Variants in MDGA2 observed in about 807,000 individuals in gnomAD.
MDGA2 encodes the protein MAM domain containing glycosylphosphatidylinositol anchor 2.
MDGA2 carries 40 observed loss-of-function variants against 117.8 expected under a neutral mutation model. The ratio of observed to expected loss-of-function variants is 0.34; its 90% CI spans 0.26 to 0.44. The LOEUF is 0.44. Ranked by LOEUF, MDGA2 falls within the 20% of genes least tolerant of loss-of-function variation. The probability of loss-of-function intolerance (pLI) is 1.00; values close to 1 mark genes in which losing one functional copy is unlikely to be tolerated. For synonymous variants in MDGA2, 452 were observed against 439.0 expected (o/e 1.03, Z -0.37); for missense variants, 1,123 against 1,250.6 (o/e 0.90, Z 1.54).
In MDGA2 at chr14:46,855,862, T is replaced by G. The variant is rs2138303404; in HGVS notation, c.2753-708A>C. On this transcript the variant is annotated intron_variant, in intron 14 of 16. Coordinates refer to ENST00000399232, the MANE Select transcript of MDGA2 (RefSeq NM_001113498.3). The surrounding 1 kb of genome is among the most constrained non-coding windows in gnomAD (Gnocchi z 4.1). ...TCTTATATTATCATTTAGCATCTTA[T>G]TTTTTCAGTTTGATTTTTACCTGTC... is the stretch of plus-strand genomic sequence containing the variant. Among the ~76,000 whole-genome samples, 1 of 152,224 alleles carries G rather than the reference T, an allele frequency of 6.6e-6. No homozygotes were observed. The highest frequency in any genetic ancestry group is 2.4e-5 in the African/African-American group (1 of 41,542).
chr14:47,172,143 G>A (rs953088911), intron 3 of MDGA2, among the ~76,000 whole-genome samples: 8 of 152,176 alleles, frequency 5.3e-5, no homozygotes, highest in Non-Finnish European at 1.2e-4. Context: ...AAGCAGCCAG[G>A]AAGCTCCGAC....
chr14:47,063,831 T>C (rs1205322098), intron 6 of MDGA2, among the ~76,000 whole-genome samples: 2 of 152,016 alleles, frequency 1.3e-5, no homozygotes, highest in African/African-American at 2.4e-5. Flanking sequence ...CAAAGATATA[T>C]GTTGGTTGCA....
chr14:47,585,244 T>C (rs1018439852), intron 1 of MDGA2, among the ~76,000 whole-genome samples: 1 of 151,766 alleles, frequency 6.6e-6, no homozygotes, highest in African/African-American at 2.4e-5. Flanking sequence ...ATATGTAAAA[T>C]AGGATGGCTG....
At chr14:47,023,768 A>C (rs1888377477) in intron 8 of MDGA2, among the ~76,000 whole-genome samples, 1 of 152,166 alleles carries the variant, frequency 6.6e-6, no homozygotes, top group Non-Finnish European at 1.5e-5. Flanking sequence ...ATTCATACAG[A>C]AACTAAGTTA....
intron 3 of MDGA2, among the ~76,000 whole-genome samples, chr14:47,211,307 T>C (rs76057846): frequency 0.016 from 2,440 of 152,252 alleles, 68 homozygotes; most frequent in African/African-American, 0.056. Flanking sequence ...TACTTGCTAA[T>C]ATGTTAGTCT....
chr14:46,943,552 G>C (rs1238011566), intron 9 of MDGA2, among the ~76,000 whole-genome samples: 1 of 151,906 alleles, frequency 6.6e-6, no homozygotes, highest in Non-Finnish European at 1.5e-5. Context: ...TTCACTTACT[G>C]ATTCTACTTA....
At chr14:47,056,585 G>T (rs765361027) in intron 7 of MDGA2, among the ~76,000 whole-genome samples, 2 of 152,110 alleles carry the variant, frequency 1.3e-5, no homozygotes, top group Non-Finnish European at 2.9e-5. Context: ...CAGATCAGCA[G>T]TTTCACTGTT....
At chr14:47,107,374 C>T (rs1716520460) in intron 5 of MDGA2, among the ~76,000 whole-genome samples, 1 of 152,070 alleles carries the variant, frequency 6.6e-6, no homozygotes, top group Admixed American at 6.5e-5. Flanking sequence ...GGTGCCAAAC[C>T]CATATACTCT....
chr14:47,385,647 C>T (rs187955907), intron 1 of MDGA2, among the ~76,000 whole-genome samples: 6 of 152,126 alleles, frequency 3.9e-5, no homozygotes, highest in Non-Finnish European at 7.4e-5. Context: ...CTCTTTCCAT[C>T]TTCCTTCCTC....
At chr14:47,617,954 T>G (rs763752651) in intron 1 of MDGA2, among the ~76,000 whole-genome samples, 4 of 152,174 alleles carry the variant, frequency 2.6e-5, no homozygotes, top group African/African-American at 9.7e-5. Context: ...TAAATAACTT[T>G]TTAATTAAAA....
intron 3 of MDGA2, among the ~76,000 whole-genome samples, chr14:47,191,731 T>A (rs924079978): frequency 6.6e-6 from 1 of 152,144 alleles, no homozygotes; most frequent in Non-Finnish European, 1.5e-5. Context: ...TCTTTGCAAT[T>A]AATGGACACA....
chr14:47,571,969 T>A (rs1233962527), intron 1 of MDGA2, among the ~76,000 whole-genome samples: 1 of 152,164 alleles, frequency 6.6e-6, no homozygotes, highest in African/African-American at 2.4e-5. Context: ...TGCACACACA[T>A]ACATACTTTG....
rs564977430 is a variant in MDGA2 at position 46,891,552 on chromosome 14, G to A, written c.2239-9331C>T. Among the ~76,000 whole-genome samples the A allele has an allele frequency of 1.3e-3, 198 of 150,908 alleles. 2 individuals carry two copies. The highest frequency in any genetic ancestry group is 4.5e-3 in the African/African-American group (186 of 41,352). On this transcript the variant is annotated intron_variant, in intron 10 of 16. Coordinates refer to ENST00000399232, the MANE Select transcript of MDGA2 (RefSeq NM_001113498.3). Reference sequence around the variant, plus strand: ...TCCTGTTTTATATAGTTAGCAATACGTTTAATAAGGAATTATAATCGTGAT... The same window carrying A: ...TCCTGTTTTATATAGTTAGCAATACATTTAATAAGGAATTATAATCGTGAT...
At chr14:47,246,016 GGAGCT>G (rs1204718204) in intron 2 of MDGA2, among the ~76,000 whole-genome samples, 1 of 151,778 alleles carries the variant, frequency 6.6e-6, no homozygotes, top group Non-Finnish European at 1.5e-5. Context: ...AATGATTAGT[GGAGCT>G]GAGCTTCACA....
chr14:47,081,209 T>TA (rs1026648108), intron 6 of MDGA2, among the ~76,000 whole-genome samples: 3 of 150,998 alleles, frequency 2.0e-5, no homozygotes, highest in Non-Finnish European at 4.4e-5. Context: ...CTTTCTCAAT[T>TA]AAAAAAAAAG....
At chr14:46,864,077 C>G (rs1171741813) in intron 14 of MDGA2, among the ~76,000 whole-genome samples, 1 of 148,834 alleles carries the variant, frequency 6.7e-6, no homozygotes, top group African/African-American at 2.5e-5. Flanking sequence ...CCCCCCACCC[C>G]CCACCCCACA....
chr14:47,215,885 G>A (rs886470337), intron 3 of MDGA2, among the ~76,000 whole-genome samples: 3 of 152,074 alleles, frequency 2.0e-5, no homozygotes, highest in African/African-American at 7.2e-5. Context: ...AACATAGAAC[G>A]AGATGCTTGT....
At chr14:47,025,868 T>C (rs1220578002) in intron 8 of MDGA2, among the ~76,000 whole-genome samples, 1 of 152,164 alleles carries the variant, frequency 6.6e-6, no homozygotes, top group Non-Finnish European at 1.5e-5. Context: ...TTAGACATTT[T>C]CAAAGATCTG....
chr14:47,001,266 C>T (rs1887521736), intron 8 of MDGA2, among the ~76,000 whole-genome samples: 1 of 151,656 alleles, frequency 6.6e-6, no homozygotes, highest in South Asian at 2.1e-4. Context: ...AAAAAAATCA[C>T]AATTGAAGGA....
Sources: gnomAD v4.1 joint callset for allele counts (sites outside exome capture counted in the v4.1 genomes callset) on GRCh38, gnomAD v4.1.1 for gene constraint, Gnocchi (gnomAD v3.1) non-coding constraint, MANE v1.5 for transcripts, NCBI Gene and HGNC (gene_info 2026-07-23, HGNC 2026-07-21) for gene names.